Variants in ADIPOR2 observed in about 807,000 individuals in gnomAD.
ADIPOR2 encodes the protein adiponectin receptor 2, also known as adiponectin receptor protein 2.
Under a neutral mutation model 40.9 loss-of-function variants are expected in ADIPOR2, and 18 were observed. The ratio of observed to expected loss-of-function variants is 0.44; its 90% CI spans 0.30 to 0.65. The LOEUF (loss-of-function observed/expected upper bound fraction) is 0.65, where lower values mean the gene tolerates loss of function less well. Among genes scored for constraint, ADIPOR2 ranks in the 30% least tolerant of loss-of-function variants. The pLI is 0.09. For missense variants in ADIPOR2, 283 were observed against 479.2 expected (o/e 0.59, Z 3.82); for synonymous variants, 165 against 166.4 (o/e 0.99, Z 0.06).
At chr12:1,691,559 G>A (rs555401717) in intron 1 of ADIPOR2, among the ~76,000 whole-genome samples, 140 of 152,322 alleles carry the variant, frequency 9.2e-4, no homozygotes, top group African/African-American at 3.3e-3. Context: ...GAGAGGATCT[G>A]CCCGCCCCTC....
At chr12:1,745,301 C>A (rs1302266143) in intron 1 of ADIPOR2, among the ~76,000 whole-genome samples, 1 of 152,072 alleles carries the variant, frequency 6.6e-6, no homozygotes, top group African/African-American at 2.4e-5. Context: ...TAAAATTTTT[C>A]AAAGAAATTC....
At chr12:1,696,689 C>T (rs1409005397) in intron 1 of ADIPOR2, 1 of 152,422 alleles carries the variant, frequency 6.6e-6, no homozygotes, top group Admixed American at 6.5e-5. Flanking sequence ...GAGCCATTGT[C>T]CCTGGCCATA....
Position 1,777,836 on chromosome 12 carries a change from A to C in ADIPOR2, c.292-18A>C. ...ACAACTAAAATCACAAAGATGTTTG[A>C]TAATACCTCTCTGCCAGGTATGGGA... is the stretch of plus-strand genomic sequence containing the variant. On this transcript the variant is annotated intron_variant, in intron 3 of 7. Transcript: ENST00000357103. 6.2e-7 allele frequency: 1 copy of C among 1,603,352 alleles called. No homozygotes were observed. The highest frequency in any genetic ancestry group is 8.5e-7 in the Non-Finnish European group (1 of 1,174,426).
intron 1 of ADIPOR2, among the ~76,000 whole-genome samples, chr12:1,742,250 G>A (rs1051416874): frequency 1.3e-5 from 2 of 152,130 alleles, no homozygotes; most frequent in Non-Finnish European, 2.9e-5. Flanking sequence ...ACACCACCAC[G>A]CCTGGCTTAT....
At position 1,754,880 on chromosome 12, in the gene ADIPOR2, A is replaced by G. The variant is rs143841215; in HGVS notation, c.171+366A>G. ...CAGGTACATGCCACCATGCCAGGCT[A>G]ATTTTTGTAGCTTTAGCAGAGATGA... is the stretch of plus-strand genomic sequence containing the variant. On this transcript the variant is annotated intron_variant, in intron 2 of 7. Transcript: ENST00000357103. Among the ~76,000 whole-genome samples the G allele has an allele frequency of 2.0e-3, 119 of 58,588 alleles. 9 individuals are homozygous for G. Among genetic ancestry groups the G allele is most frequent in the African/African-American group, 4.0e-3 (115 of 28,450 alleles). 38.4% of individuals were successfully genotyped at this position (58,588 alleles called of 152,430 possible). A position where few individuals can be genotyped will look rare whatever the true frequency, so the allele number is the denominator to read the frequency against.
intron 1 of ADIPOR2, among the ~76,000 whole-genome samples, chr12:1,743,520 A>G (rs1024723215): frequency 6.6e-6 from 1 of 152,064 alleles, no homozygotes; most frequent in Non-Finnish European, 1.5e-5. Flanking sequence ...AAAATTAAAA[A>G]TTAGCTGGGT....
intron 1 of ADIPOR2, among the ~76,000 whole-genome samples, chr12:1,717,712 A>G (rs573895122): frequency 6.6e-6 from 1 of 152,278 alleles, no homozygotes; most frequent in South Asian, 2.1e-4. Context: ...TCTTAAGGAA[A>G]AAAAAAAAAT....
rs1475818020 is a variant in ADIPOR2, at chr12:1,787,372, G to A, written c.*1300G>A. On this transcript the variant is annotated 3_prime_UTR_variant, in exon 8 of 8. Transcript: ENST00000357103. Reference sequence around the variant, plus strand: ...CGGCTCTCCTTGAATAAGAAAGCCAGCAGAACTCTTAAAGCCAGTTGTAGT... The same window carrying A: ...CGGCTCTCCTTGAATAAGAAAGCCAACAGAACTCTTAAAGCCAGTTGTAGT... 1 of 152,288 alleles carries A rather than the reference G, an allele frequency of 6.6e-6. No individual in the cohort carries two copies. The highest frequency in any genetic ancestry group is 1.5e-5 in the Non-Finnish European group (1 of 68,070). The allele number at this position is 152,288 out of a possible 1,614,324, so 9.4% of individuals were successfully genotyped here.
chr12:1,721,284 C>A (rs563231346), intron 1 of ADIPOR2, among the ~76,000 whole-genome samples: 1 of 129,084 alleles, frequency 7.7e-6, no homozygotes, highest in African/African-American at 3.0e-5. Flanking sequence ...GGCACGATCT[C>A]GGCTCACTGC....
rs1347791576 is a variant in ADIPOR2 at position 1,786,324 on chromosome 12, G to A, written c.*252G>A. 4.6e-6 allele frequency: 2 copies of A among 434,368 alleles called. No individual in the cohort carries two copies. Among genetic ancestry groups the A allele is most frequent in the Non-Finnish European group, 8.1e-6 (2 of 248,080 alleles). 26.9% of individuals were successfully genotyped at this position (434,368 alleles called of 1,614,324 possible). Reference sequence around the variant, plus strand: ...AGCCCAAACCCTGGCTTATTCTTGGGATCTACTGATTGCGGGCTCTGCAAG... The same window carrying A: ...AGCCCAAACCCTGGCTTATTCTTGGAATCTACTGATTGCGGGCTCTGCAAG... On this transcript the variant is annotated 3_prime_UTR_variant, in exon 8 of 8. Transcript: ENST00000357103.
At chr12:1,718,637 G>C (rs1274701708) in intron 1 of ADIPOR2, among the ~76,000 whole-genome samples, 1 of 152,308 alleles carries the variant, frequency 6.6e-6, no homozygotes, top group Middle Eastern at 3.4e-3. Context: ...CTGCTATCTA[G>C]CAGACAGTGC....
intron 1 of ADIPOR2, among the ~76,000 whole-genome samples, chr12:1,712,619 C>T (rs1050133553): frequency 6.6e-6 from 1 of 152,028 alleles, no homozygotes; most frequent in Admixed American, 6.6e-5. Context: ...TGTACTAGGG[C>T]CTGCTTTAAG....
Position 1,725,698 on chromosome 12 carries a change from A to G in ADIPOR2, c.-86-28560A>G, listed in dbSNP as rs1008056714. 5.3e-5 allele frequency among the ~76,000 whole-genome samples: 8 copies of G among 152,354 alleles called. No individual in the cohort carries two copies. In the South Asian group the frequency reaches 1.0e-3, roughly 20 times the overall value. On this transcript the variant is annotated intron_variant, in intron 1 of 7. Coordinates refer to ENST00000357103, the MANE Select transcript of ADIPOR2 (RefSeq NM_024551.3). Reference sequence around the variant, plus strand: ...GACCAGCAGTCCAGCAATGAACTAAACAAAATGAACAAAATACATTATATT... The same window carrying G: ...GACCAGCAGTCCAGCAATGAACTAAGCAAAATGAACAAAATACATTATATT...
intron 2 of ADIPOR2, among the ~76,000 whole-genome samples, chr12:1,755,286 G>T (rs1862102647): frequency 6.6e-6 from 1 of 151,984 alleles, no homozygotes; most frequent in South Asian, 2.1e-4. Context: ...CACCATGTTG[G>T]CCAGGATGGT....
intron 2 of ADIPOR2, among the ~76,000 whole-genome samples, chr12:1,758,599 C>T (rs1187643832): frequency 6.6e-6 from 1 of 152,138 alleles, no homozygotes; most frequent in Non-Finnish European, 1.5e-5. Context: ...GTATACTACA[C>T]ATGGGAGCTA....
At chr12:1,710,609 C>T (rs1344107616) in intron 1 of ADIPOR2, among the ~76,000 whole-genome samples, 1 of 151,852 alleles carries the variant, frequency 6.6e-6, no homozygotes, top group East Asian at 1.9e-4. Context: ...TAACAACCCC[C>T]GACTCTTCAG....
intron 1 of ADIPOR2, among the ~76,000 whole-genome samples, chr12:1,724,632 A>T (rs147979155): frequency 2.0e-5 from 3 of 152,150 alleles, no homozygotes; most frequent in African/African-American, 7.2e-5. Context: ...GATAATTTAG[A>T]TGGTAAATTT....
chr12:1,780,289 A>T, intron 4 of ADIPOR2, 162 bp from the exon 5 acceptor site: 1 of 662,384 alleles, frequency 1.5e-6, no homozygotes, highest in East Asian at 3.2e-5. Flanking sequence ...GTTGGAAGTA[A>T]ACCACAATTT....
At chr12:1,732,569 A>C (rs980732972) in intron 1 of ADIPOR2, among the ~76,000 whole-genome samples, 7 of 152,252 alleles carry the variant, frequency 4.6e-5, no homozygotes, top group Non-Finnish European at 1.0e-4. Context: ...ATTAAAGACT[A>C]TCTTGGTTAC....
Sources: allele counts gnomAD v4.1 joint callset (sites outside exome capture counted in the v4.1 genomes callset), GRCh38; gene constraint gnomAD v4.1.1; transcripts MANE v1.5; gene names NCBI Gene and HGNC (gene_info 2026-07-23, HGNC 2026-07-21).